The following LAMB4 variants were observed in gnomAD, a reference collection of about 807,000 sequenced individuals.
The protein encoded by LAMB4 is laminin subunit beta 4.
In LAMB4, 196 loss-of-function variants were observed where a neutral mutation model predicts 199.2. That is an observed-to-expected ratio of 0.98 (90% CI 0.88 to 1.11). LAMB4 has a LOEUF of 1.11. Ranked by LOEUF, LAMB4 falls within the 50% of genes least tolerant of loss-of-function variation. The pLI is 0.00. For synonymous variants in LAMB4, 744 were observed against 770.6 expected (o/e 0.97, Z 0.57); for missense variants, 2,080 against 2,171.2 (o/e 0.96, Z 0.83).
At position 108,024,152 on chromosome 7, in the gene LAMB4, T is replaced by C. The variant is rs1321627402; in HGVS notation, c.5173A>G (p.Asn1725Asp). 1 of 1,575,508 alleles carries C rather than the reference T, an allele frequency of 6.3e-7. No individual in the cohort carries two copies. The highest frequency in any genetic ancestry group is 1.2e-5 in the South Asian group (1 of 85,076). Reference sequence around the variant, plus strand: ...TCAGCTTTTGCTTGTCTACTTAGATTCAAATCTTGGATTTTCCTTTCTAAA... The same window carrying C: ...TCAGCTTTTGCTTGTCTACTTAGATCCAAATCTTGGATTTTCCTTTCTAAA... ...TDLERKIQDL[N>D]LSRQAKADQL... The change falls in exon 34 of 34, where the codon AAT (asparagine) becomes GAT (aspartate). Residue 1725 changes from asparagine (N) to aspartate (D), a missense_variant. Coordinates refer to ENST00000388781, the MANE Select transcript of LAMB4 (RefSeq NM_007356.3).
intron 12 of LAMB4, among the ~76,000 whole-genome samples, chr7:108,093,081 T>TC (rs2037471933): frequency 6.6e-6 from 1 of 152,148 alleles, no homozygotes; most frequent in East Asian, 1.9e-4. Flanking sequence ...CCTGTATTTT[T>TC]CCCACCCCAC....
rs540362069 is a variant in LAMB4, at chr7:108,104,123, G to A, written c.991+376C>T. Among the ~76,000 whole-genome samples the A allele has an allele frequency of 7.9e-5, 12 of 152,182 alleles. No individual in the cohort carries two copies. In the East Asian group the frequency reaches 1.7e-3, roughly 22 times the overall value. ...ATCCTACAGATGGGTTTAAGGTCAC[G>A]TTCATGGAATGTATGACTATTCAGG... On this transcript the variant is annotated intron_variant, in intron 9 of 33. Transcript: ENST00000388781.
At chr7:108,086,023 G>A (rs973240204) in intron 14 of LAMB4, among the ~76,000 whole-genome samples, 1 of 152,194 alleles carries the variant, frequency 6.6e-6, no homozygotes, top group African/African-American at 2.4e-5. Context: ...GTTAGTGCAT[G>A]CAGCTGCCAG....
chr7:108,100,272 G>T (rs1006561212), intron 10 of LAMB4, among the ~76,000 whole-genome samples: 1 of 152,046 alleles, frequency 6.6e-6, no homozygotes, highest in Non-Finnish European at 1.5e-5. Flanking sequence ...TGGTTTTTCT[G>T]TATCAAATTT....
intron 14 of LAMB4, among the ~76,000 whole-genome samples, chr7:108,086,247 G>A (rs1227304714): frequency 6.6e-6 from 1 of 152,076 alleles, no homozygotes; most frequent in Non-Finnish European, 1.5e-5. Flanking sequence ...CTTCCCTGGG[G>A]GATGAGACCC....
rs187131227 is a variant in LAMB4, at chr7:108,063,695, C to G, written c.3061+66G>C. 5.8e-4 allele frequency: 786 copies of G among 1,363,880 alleles called. 4 individuals carry two copies. Among genetic ancestry groups the G allele is most frequent in the Middle Eastern group, 2.1e-3 (9 of 4,192 alleles). 84.5% of individuals were successfully genotyped at this position (1,363,880 alleles called of 1,614,324 possible). A position where few individuals can be genotyped will look rare whatever the true frequency, so the allele number is the denominator to read the frequency against. On this transcript the variant is annotated intron_variant, in intron 22 of 33. Transcript: ENST00000388781. ...CCTAACTGAAATGATCATGGGAGAGCTGACAACACACTTATGAGCTGTCAC... is the reference window on the plus strand; with the variant it reads ...CCTAACTGAAATGATCATGGGAGAGGTGACAACACACTTATGAGCTGTCAC...
At chr7:108,065,138 C>T (rs1265780558) in intron 21 of LAMB4, among the ~76,000 whole-genome samples, 2 of 152,050 alleles carry the variant, frequency 1.3e-5, no homozygotes, top group African/African-American at 4.8e-5. Flanking sequence ...GGATTCCTGG[C>T]CTCAAGTAAT....
At chr7:108,109,735 T>C (rs2038150362) in intron 4 of LAMB4, among the ~76,000 whole-genome samples, 1 of 152,162 alleles carries the variant, frequency 6.6e-6, no homozygotes, top group Non-Finnish European at 1.5e-5. Context: ...AGTGGGGACC[T>C]GTGGGCTCCT....
chr7:108,055,816 T>A lies in LAMB4; in HGVS notation c.3571A>T (p.Lys1191Ter). ...QWDHTISSLS[K>*]AVQGLMRLAA... is the part of the protein sequence containing the mutation. The stretch of plus-strand genomic sequence containing the variant: ...AGTCTCATTAACCCTTGCACCGCTT[T>A]GGAGAGGGAAGAAATGGTGTGGTCC... Residue 1191 changes from lysine to a stop codon, truncating the protein, a stop_gained, in exon 25 of 34, where the codon AAA (lysine) becomes TAA (stop). Coordinates refer to ENST00000388781, the MANE Select transcript of LAMB4 (RefSeq NM_007356.3). LOFTEE classifies it high-confidence loss of function. The A allele has an allele frequency of 1.9e-6, 3 of 1,614,220 alleles. No individual in the cohort carries two copies. The highest frequency in any genetic ancestry group is 2.5e-6 in the Non-Finnish European group (3 of 1,180,030).
intron 1 of LAMB4, among the ~76,000 whole-genome samples, chr7:108,126,731 ATTTT>A (rs368918537): frequency 1.4e-4 from 19 of 137,572 alleles, no homozygotes; most frequent in African/African-American, 5.4e-4. Context: ...CGCCCGACTA[ATTTT>A]TTTTTTGTAT....
At chr7:108,057,803 C>G in intron 24 of LAMB4, 29 bp downstream of exon 24, 1 of 1,417,500 alleles carries the variant, frequency 7.1e-7, no homozygotes. Context: ...TGACTGTACG[C>G]ATGAGTTTTT....
At chr7:108,049,904 T>C in intron 26 of LAMB4, among the ~76,000 whole-genome samples, 1 of 152,324 alleles carries the variant, frequency 6.6e-6, no homozygotes. Flanking sequence ...TGTAAATAAT[T>C]TCCACAAATA....
intron 8 of LAMB4, 32 bp downstream of exon 8, chr7:108,105,785 C>G: frequency 1.3e-6 from 2 of 1,587,352 alleles, no homozygotes; most frequent in Admixed American, 1.7e-5. Context: ...GCAGGTAGGA[C>G]AGCCCACTGT....
chr7:108,037,506 C>T lies in LAMB4; in HGVS notation c.4561G>A (p.Glu1521Lys), dbSNP rs1426990088. The change falls in exon 30 of 34, where the codon GAA becomes AAA. Residue 1521 changes from glutamate to lysine, a missense_variant. Transcript: ENST00000388781. ...ATATGTTTCTGTATTTTGACAAGTT[C>T]ATCGGTTAGATTTTGGGATGGAATT... is the stretch of plus-strand genomic sequence containing the variant. ...LPIPSQNLTD[E>K]LVKIQKHMQL... 1 of 1,613,976 alleles carries T rather than the reference C, an allele frequency of 6.2e-7. No homozygotes were observed. The highest frequency in any genetic ancestry group is 8.5e-7 in the Non-Finnish European group (1 of 1,180,000).
intron 26 of LAMB4, among the ~76,000 whole-genome samples, chr7:108,050,908 A>C (rs530797659): frequency 1.8e-4 from 27 of 152,334 alleles, no homozygotes; most frequent in Admixed American, 1.6e-3. Context: ...ATGCTCTAAC[A>C]GTCTTAATGC....
At position 108,118,793 on chromosome 7, in the gene LAMB4, T is replaced by G. The variant is rs111933336; in HGVS notation, c.35-2632A>C. Among the ~76,000 whole-genome samples, 545 of 151,776 alleles carry G rather than the reference T, an allele frequency of 3.6e-3. 2 individuals carry two copies. Among genetic ancestry groups the G allele is most frequent in the African/African-American group, 0.013 (524 of 41,478 alleles). ...TCCATAAAAGGAGAATTTAGAAAAT[T>G]GGACCGTGTCAAAATTAAAAACTTT... is the stretch of plus-strand genomic sequence containing the variant. On this transcript the variant is annotated intron_variant, in intron 2 of 33. Transcript: ENST00000388781.
chr7:108,103,431 C>T (rs1305128520), intron 9 of LAMB4, among the ~76,000 whole-genome samples, 199 bp from the exon 10 acceptor site: 1 of 152,312 alleles, frequency 6.6e-6, no homozygotes, highest in Non-Finnish European at 1.5e-5. Flanking sequence ...TCTGCTCCTA[C>T]GCTTTCTATA....
the LAMB4 span, among the ~76,000 whole-genome samples, chr7:108,015,051 C>G: frequency 6.6e-6 from 1 of 151,982 alleles, no homozygotes; most frequent in African/African-American, 2.4e-5. Context: ...AGGAAAAATT[C>G]TCATTTAAGA....
chr7:108,122,814 T>C (rs998787010), intron 2 of LAMB4, among the ~76,000 whole-genome samples: 3 of 152,202 alleles, frequency 2.0e-5, no homozygotes, highest in Admixed American at 6.5e-5. Flanking sequence ...AAGTGTTACA[T>C]TGAAAGCACA....
Sources: gnomAD v4.1 joint callset for allele counts (sites outside exome capture counted in the v4.1 genomes callset) on GRCh38, gnomAD v4.1.1 for gene constraint, MANE v1.5 for transcripts, NCBI Gene and HGNC (gene_info 2026-07-23, HGNC 2026-07-21) for gene names.